The following SHOC1 variants were observed in gnomAD, a reference collection of about 807,000 sequenced individuals.
The protein encoded by SHOC1 is protein shortage in chiasmata 1 ortholog.
In SHOC1, 136 loss-of-function variants were observed where a neutral mutation model predicts 179.2. The observed-to-expected ratio is 0.76, with a 90% confidence interval of 0.66 to 0.87. The LOEUF (loss-of-function observed/expected upper bound fraction) is 0.87, where lower values mean the gene tolerates loss of function less well. Among genes scored for constraint, SHOC1 ranks in the 40% least tolerant of loss-of-function variants. SHOC1 has a pLI of 0.00. For synonymous variants in SHOC1, 489 were observed against 586.6 expected, an observed-to-expected ratio of 0.83 and a Z score of 2.41; for missense variants, 1,538 against 1,700.8, an observed-to-expected ratio of 0.90 and a Z score of 1.68.
chr9:111,704,648 G>A (rs944545730), intron 21 of SHOC1, among the ~76,000 whole-genome samples: 3 of 152,186 alleles, frequency 2.0e-5, no homozygotes, highest in Non-Finnish European at 4.4e-5. Context: ...TAAGGTAACA[G>A]TACAATTATC....
At position 111,786,010 on chromosome 9, in the gene SHOC1, CTG is replaced by C; in HGVS notation, c.69_70del (p.Tyr23Ter). The stretch of plus-strand genomic sequence containing the variant: ...AGGGATTCGAAGCAATAAAGCATCT[CTG>C]TAAAACTTCTTTCTAACCACATTCT... On this transcript the variant is annotated stop_gained and frameshift_variant, in exon 3 of 28. Transcript: ENST00000682961. LOFTEE classifies it high-confidence loss of function. The C allele has an allele frequency of 6.6e-7, 1 of 1,508,040 alleles. No homozygotes were observed. The highest frequency in any genetic ancestry group is 2.6e-5 in the East Asian group (1 of 38,266). 93.4% of individuals were successfully genotyped at this position (1,508,040 alleles called of 1,614,324 possible).
intron 18 of SHOC1, among the ~76,000 whole-genome samples, chr9:111,709,549 A>G (rs1162383534): frequency 6.6e-6 from 1 of 152,196 alleles, no homozygotes; most frequent in East Asian, 1.9e-4. Flanking sequence ...TCTGAAAAAG[A>G]GTAAAAACAT....
At chr9:111,791,598 T>G (rs1382403382) in intron 1 of SHOC1, 144 bp from the exon 2 acceptor site, 11 of 362,606 alleles carry the variant, frequency 3.0e-5, no homozygotes, top group Non-Finnish European at 1.5e-5. Flanking sequence ...TTACTATAAT[T>G]TTAAATCTAA....
intron 5 of SHOC1, among the ~76,000 whole-genome samples, chr9:111,769,986 G>GTTTTTTTTTTTTTTTTTTTTTTTTTTTT (rs769266659): frequency 5.2e-5 from 4 of 77,660 alleles, no homozygotes; most frequent in Non-Finnish European, 7.1e-5. Flanking sequence ...TTTTTTTTTT[G>GTTTTTTTTTTTTTTTTTTTTTTTTTTTT]TTTTTTTTTT....
intron 11 of SHOC1, among the ~76,000 whole-genome samples, chr9:111,741,097 G>C (rs776538955): frequency 1.3e-5 from 2 of 152,132 alleles, no homozygotes; most frequent in Non-Finnish European, 2.9e-5. Context: ...GTCTTTTTTG[G>C]AAAGCTTGGG....
At chr9:111,768,722 T>A (rs1390511366) in intron 5 of SHOC1, among the ~76,000 whole-genome samples, 1 of 152,256 alleles carries the variant, frequency 6.6e-6, no homozygotes, top group Non-Finnish European at 1.5e-5. Flanking sequence ...CTAATTTGAT[T>A]TCTTCCTTTC....
At position 111,699,152 on chromosome 9, in the gene SHOC1, TA is replaced by T. The variant is rs563085484; in HGVS notation, c.3183+801del. Among the ~76,000 whole-genome samples the T allele has an allele frequency of 4.6e-5, 7 of 152,190 alleles. No individual in the cohort carries two copies. In the South Asian group the frequency reaches 1.5e-3, roughly 32 times the overall value. On this transcript the variant is annotated intron_variant, in intron 24 of 27. Coordinates refer to ENST00000682961, the MANE Select transcript of SHOC1 (RefSeq NM_001378211.1). The stretch of plus-strand genomic sequence containing the variant: ...AGGGATATTAGTTAGGAAGCTACTT[TA>T]AAAATCCAAGTGTGAGGTGGTGAAG...
At chr9:111,732,523 T>C (rs542232581) in intron 12 of SHOC1, among the ~76,000 whole-genome samples, 1 of 152,318 alleles carries the variant, frequency 6.6e-6, no homozygotes, top group African/African-American at 2.4e-5. Flanking sequence ...CCCAGGGGAA[T>C]TGATAAACAA....
At chr9:111,689,036 A>T (rs1831304356) in intron 27 of SHOC1, among the ~76,000 whole-genome samples, 1 of 152,182 alleles carries the variant, frequency 6.6e-6, no homozygotes, top group African/African-American at 2.4e-5. Context: ...TTTAATAATT[A>T]TCCCTGGGGA....
intron 24 of SHOC1, among the ~76,000 whole-genome samples, chr9:111,697,146 A>G (rs76399370): frequency 0.013 from 1,947 of 151,926 alleles, 45 homozygotes; most frequent in African/African-American, 0.044. Context: ...AGGAGAGATG[A>G]TGCATCCTGA....
chr9:111,791,275 A>C (rs1403305878), intron 2 of SHOC1, 99 bp downstream of exon 2: 1 of 558,986 alleles, frequency 1.8e-6, no homozygotes, highest in East Asian at 3.5e-5. Context: ...TTTGATCCTA[A>C]GCATTTCAGA....
At position 111,791,372 on chromosome 9, in the gene SHOC1, A is replaced by G; in HGVS notation, c.45+2T>C. The stretch of plus-strand genomic sequence containing the variant: ...ATAGACAGTAAGCCACTAACACTCT[A>G]CCTCATATAAATAGTCTATTGCATG... On this transcript the variant is annotated splice_donor_variant, in intron 2 of 27. Coordinates refer to ENST00000682961, the MANE Select transcript of SHOC1 (RefSeq NM_001378211.1). LOFTEE classifies it high-confidence loss of function. 1 of 1,456,170 alleles carries G rather than the reference A, an allele frequency of 6.9e-7. No homozygotes were observed. The highest frequency in any genetic ancestry group is 1.5e-5 in the South Asian group (1 of 66,158). 90.2% of individuals were successfully genotyped at this position (1,456,170 alleles called of 1,614,324 possible).
intron 12 of SHOC1, among the ~76,000 whole-genome samples, chr9:111,737,137 G>A (rs1446328171): frequency 6.6e-6 from 1 of 152,164 alleles, no homozygotes; most frequent in Non-Finnish European, 1.5e-5. Context: ...TTCAGCCACT[G>A]TGGAAACTGT....
At chr9:111,690,623 G>T (rs1831383883) in intron 27 of SHOC1, among the ~76,000 whole-genome samples, 1 of 152,088 alleles carries the variant, frequency 6.6e-6, no homozygotes, top group South Asian at 2.1e-4. Flanking sequence ...TTCCCAATAT[G>T]TACTAAAATG....
chr9:111,744,517 G>A (rs1165134826), intron 10 of SHOC1, among the ~76,000 whole-genome samples: 1 of 152,182 alleles, frequency 6.6e-6, no homozygotes, highest in Non-Finnish European at 1.5e-5. Context: ...AGCAGCCAGT[G>A]ATGAATTATA....
intron 12 of SHOC1, among the ~76,000 whole-genome samples, chr9:111,728,990 A>C (rs1258338459): frequency 1.3e-5 from 2 of 152,254 alleles, no homozygotes; most frequent in African/African-American, 4.8e-5. Flanking sequence ...ATTGTGTACA[A>C]TAGCATTATG....
In SHOC1 at chr9:111,700,762, C is replaced by G. The variant is rs972024570; in HGVS notation, c.3090-715G>C. On this transcript the variant is annotated intron_variant, in intron 23 of 27. Transcript: ENST00000682961. ...AAGAACACTGTGCCTAAACTGTTGA[C>G]AAACAATGTAGTTTCTGTTGAACAT... 1.7e-4 allele frequency among the ~76,000 whole-genome samples: 26 copies of G among 152,116 alleles called. 3 individuals carry two copies.
intron 12 of SHOC1, 32 bp downstream of exon 12, chr9:111,738,248 T>C (rs752226093): frequency 6.4e-7 from 1 of 1,562,208 alleles, no homozygotes; most frequent in Non-Finnish European, 8.7e-7. Context: ...TGAAAATGTT[T>C]ACATAACTAA....
intron 17 of SHOC1, 94 bp downstream of exon 17, chr9:111,714,348 GACT>G (rs1832691072): frequency 8.4e-7 from 1 of 1,195,406 alleles, no homozygotes; most frequent in African/African-American, 1.5e-5. Flanking sequence ...AAGTAGTATA[GACT>G]ACTTCATAAT....
Sources: gnomAD v4.1 joint callset for allele counts (sites outside exome capture counted in the v4.1 genomes callset) on GRCh38, gnomAD v4.1.1 for gene constraint, MANE v1.5 for transcripts, NCBI Gene and HGNC (gene_info 2026-07-23, HGNC 2026-07-21) for gene names.